OGDHL: variants seen among roughly 807,000 people sequenced by gnomAD.
OGDHL encodes the protein oxoglutarate dehydrogenase L.
OGDHL carries 79 observed loss-of-function variants against 109.6 expected under a neutral mutation model. The observed-to-expected ratio is 0.72, with a 90% CI of 0.60 to 0.87. The LOEUF (loss-of-function observed/expected upper bound fraction) is 0.87. Among genes scored for constraint, OGDHL ranks in the 40% least tolerant of loss-of-function variants. OGDHL has a pLI of 0.00. For missense variants in OGDHL, 1,275 were observed against 1,362.2 expected (o/e 0.94, Z 1.01); for synonymous variants, 528 against 537.2 (o/e 0.98, Z 0.24).
At chr10:49,737,732 A>G (rs980628093) in intron 20 of OGDHL, 54 bp downstream of exon 20, 8 of 1,597,706 alleles carry the variant, frequency 5.0e-6, no homozygotes, top group Admixed American at 1.7e-5. Flanking sequence ...GAAGCCACAC[A>G]ATGGGCCACC....
intron 1 of OGDHL, among the ~76,000 whole-genome samples, chr10:49,758,855 C>T (rs1843084946): frequency 6.6e-6 from 1 of 152,180 alleles, no homozygotes; most frequent in African/African-American, 2.4e-5. Flanking sequence ...TCATCCCAGA[C>T]CACACTCCTT....
intron 17 of OGDHL, 133 bp from the exon 18 acceptor site, chr10:49,738,395 C>T: frequency 1.2e-6 from 1 of 842,782 alleles, no homozygotes; most frequent in Non-Finnish European, 1.9e-6. Flanking sequence ...GAGCCTGAAC[C>T]ATAGAAAAGA....
chr10:49,741,878 CAT>C (rs1841697107), intron 15 of OGDHL, among the ~76,000 whole-genome samples: 1 of 149,464 alleles, frequency 6.7e-6, no homozygotes, highest in Admixed American at 6.7e-5. Context: ...ACACACCACA[CAT>C]ACCACACACA....
Position 49,746,852 on chromosome 10 carries a change from G to A in OGDHL, c.1194C>T (p.Asp398=), listed in dbSNP as rs200976388. The change falls in exon 10 of 23, where the codon GAC becomes GAT. Residue 398 remains aspartate, a synonymous_variant. Coordinates refer to ENST00000374103, the MANE Select transcript of OGDHL (RefSeq NM_018245.3). ...KKVMSILVHG[D]AAFAGQGVVY... is the part of the protein sequence containing the mutation. ...CCACGCCCTGGCCAGCAAAGGCGGC[G>A]TCCCCATGAACCAGGATGGACATGA... The A allele has an allele frequency of 4.6e-5, 75 of 1,614,020 alleles. No individual in the cohort carries two copies. In the Admixed American group the frequency reaches 9.5e-4, roughly 20 times the overall value.
rs770560911 is a variant in OGDHL, at chr10:49,752,292, G to A, written c.479-44C>T. ...CCGAGCCCCGGGCAGCAAAGTGGAG[G>A]GAGGGAGGTCAGGCCCAGGTGGAGC... On this transcript the variant is annotated intron_variant, in intron 4 of 22. Transcript: ENST00000374103. 4.7e-6 allele frequency: 7 copies of A among 1,490,018 alleles called. No individual in the cohort carries two copies. In the African/African-American group the frequency reaches 8.3e-5, roughly 18 times the overall value. 92.3% of individuals were successfully genotyped at this position (1,490,018 alleles called of 1,614,324 possible).
intron 14 of OGDHL, 113 bp from the exon 15 acceptor site, chr10:49,743,091 T>G: frequency 7.3e-7 from 1 of 1,367,934 alleles, no homozygotes; most frequent in Non-Finnish European, 9.8e-7. Context: ...GTTGATTTGG[T>G]TGGAGGGCAG....
At chr10:49,753,709 G>C (rs1707058512) in intron 3 of OGDHL, among the ~76,000 whole-genome samples, 1 of 152,104 alleles carries the variant, frequency 6.6e-6, no homozygotes, top group Admixed American at 6.5e-5. Flanking sequence ...TGACCAACAT[G>C]GTGAAACCCC....
At chr10:49,758,619 C>T (rs1365775851) in intron 1 of OGDHL, 26 bp from the exon 2 acceptor site, 3 of 1,610,028 alleles carry the variant, frequency 1.9e-6, no homozygotes, top group Non-Finnish European at 2.5e-6. Flanking sequence ...GAAGGAGAGG[C>T]ATAAATGGCA....
At chr10:49,743,348 C>T (rs559894645) in intron 14 of OGDHL, among the ~76,000 whole-genome samples, 70 of 152,236 alleles carry the variant, frequency 4.6e-4, no homozygotes, top group African/African-American at 1.6e-3. Context: ...ACAAACAGAG[C>T]GGGCACATGC....
chr10:49,743,839 G>T, intron 14 of OGDHL, 155 bp downstream of exon 14: 4 of 861,198 alleles, frequency 4.6e-6, no homozygotes, highest in Non-Finnish European at 6.8e-6. Flanking sequence ...CTACTGTCAC[G>T]GGCACAGACA....
intron 3 of OGDHL, 52 bp downstream of exon 3, chr10:49,756,724 A>C: frequency 1.3e-6 from 2 of 1,538,772 alleles, no homozygotes; most frequent in Non-Finnish European, 1.8e-6. Flanking sequence ...GTGCCTGGCC[A>C]CACCCCAGGA....
intron 1 of OGDHL, among the ~76,000 whole-genome samples, chr10:49,759,200 G>T (rs561597634): frequency 6.6e-6 from 1 of 152,122 alleles, no homozygotes; most frequent in African/African-American, 2.4e-5. Flanking sequence ...TGCAATCCTG[G>T]GCCAGAGTGC....
At chr10:49,746,315 T>C (rs1290737951) in intron 10 of OGDHL, among the ~76,000 whole-genome samples, 1 of 152,156 alleles carries the variant, frequency 6.6e-6, no homozygotes, top group Non-Finnish European at 1.5e-5. Context: ...TGTTTCCTCA[T>C]CTATAAAAAG....
chr10:49,756,638 T>C (rs1380421018), intron 3 of OGDHL, 138 bp downstream of exon 3: 1 of 782,086 alleles, frequency 1.3e-6, no homozygotes, highest in East Asian at 2.8e-5. Flanking sequence ...GCTAGAGGAG[T>C]AGGTGCCGCT....
chr10:49,760,689 CTCATA>C (rs1843217048), intron 1 of OGDHL, among the ~76,000 whole-genome samples: 1 of 152,242 alleles, frequency 6.6e-6, no homozygotes, highest in Non-Finnish European at 1.5e-5. Context: ...GGGGTGGGCA[CTCATA>C]TCAGTTCCAC....
intron 1 of OGDHL, among the ~76,000 whole-genome samples, chr10:49,761,471 C>A (rs1450079351): frequency 6.6e-6 from 1 of 152,238 alleles, no homozygotes; most frequent in Non-Finnish European, 1.5e-5. Flanking sequence ...AGCCTGGATT[C>A]TCTCAGCAGC....
chr10:49,749,865 A>G, intron 7 of OGDHL, 49 bp from the exon 8 acceptor site: 1 of 1,507,230 alleles, frequency 6.6e-7, no homozygotes, highest in Non-Finnish European at 9.0e-7. Flanking sequence ...CGCAGGCCTC[A>G]GGGTTCCCTC....
chr10:49,750,026 G>C (rs1456994360), intron 7 of OGDHL, among the ~76,000 whole-genome samples: 1 of 152,150 alleles, frequency 6.6e-6, no homozygotes, highest in Non-Finnish European at 1.5e-5. Flanking sequence ...CAGGCCACTG[G>C]GCCAGCTCTG....
rs1841135543 is a variant in OGDHL, at chr10:49,736,014, A to C, written c.2909+9T>G. On this transcript the variant is annotated intron_variant, in intron 22 of 22. Coordinates refer to ENST00000374103, the MANE Select transcript of OGDHL (RefSeq NM_018245.3). ...GAGGTGAGGGGCAATCAGCGGCCCCACCATGTACCATATGGGCCGTGCGCG... is the reference window on the plus strand; with the variant it reads ...GAGGTGAGGGGCAATCAGCGGCCCCCCCATGTACCATATGGGCCGTGCGCG... 6.4e-7 allele frequency: 1 copy of C among 1,564,122 alleles called. No individual in the cohort carries two copies. The highest frequency in any genetic ancestry group is 1.4e-5 in the African/African-American group (1 of 73,758).
Sources: allele counts gnomAD v4.1 joint callset (sites outside exome capture counted in the v4.1 genomes callset), GRCh38; gene constraint gnomAD v4.1.1; transcripts MANE v1.5; gene names NCBI Gene and HGNC (gene_info 2026-07-23, HGNC 2026-07-21).